RPH3A: variants seen among roughly 807,000 people sequenced by gnomAD.
RPH3A encodes rabphilin-3A.
A neutral mutation model predicts 102.2 loss-of-function variants in RPH3A; 48 were observed. The ratio of observed to expected loss-of-function variants is 0.47; its 90% CI spans 0.37 to 0.60. The LOEUF (loss-of-function observed/expected upper bound fraction) is 0.60, where lower values mean the gene tolerates loss of function less well. Ranked by LOEUF, RPH3A falls within the 20% of genes least tolerant of loss-of-function variation. RPH3A has a pLI of 0.00. For missense variants in RPH3A, 781 were observed against 910.1 expected (o/e 0.86, Z 1.83); for synonymous variants, 310 against 324.3 (o/e 0.96, Z 0.47).
chr12:112,881,990 G>A, intron 15 of RPH3A, 144 bp downstream of exon 15: 1 of 576,346 alleles, frequency 1.7e-6, no homozygotes, highest in Non-Finnish European at 3.1e-6. Context: ...AGCCATTGCA[G>A]AGCAAGTAAA....
intron 1 of RPH3A, among the ~76,000 whole-genome samples, chr12:112,659,085 T>G (rs2040032911): frequency 6.6e-6 from 1 of 152,200 alleles, no homozygotes; most frequent in Non-Finnish European, 1.5e-5. Context: ...TTTTTCCCAC[T>G]GAATCACTTG....
chr12:112,831,902 A>G, intron 3 of RPH3A: 1 of 425,890 alleles, frequency 2.3e-6, no homozygotes, highest in Non-Finnish European at 4.7e-6. Context: ...TTAAGTGTGT[A>G]TTTCTTATTG....
chr12:112,706,030 G>A (rs897477906), intron 1 of RPH3A, among the ~76,000 whole-genome samples: 19 of 152,180 alleles, frequency 1.2e-4, no homozygotes, highest in African/African-American at 4.6e-4. Context: ...ACAAATAAAT[G>A]TATGCATTTC....
intron 1 of RPH3A, among the ~76,000 whole-genome samples, chr12:112,657,406 A>C (rs1202361383): frequency 6.6e-6 from 1 of 152,210 alleles, no homozygotes; most frequent in Admixed American, 6.6e-5. Context: ...ATGATAAAGC[A>C]TAGTAAATAT....
chr12:112,849,317 T>C (rs2042282967), intron 5 of RPH3A, among the ~76,000 whole-genome samples: 2 of 152,128 alleles, frequency 1.3e-5, no homozygotes, highest in African/African-American at 2.4e-5. Context: ...ACGGAGGGGA[T>C]AGGTCTGAGA....
intron 13 of RPH3A, among the ~76,000 whole-genome samples, chr12:112,878,604 T>C (rs1237859002): frequency 6.6e-6 from 1 of 152,118 alleles, no homozygotes; most frequent in Non-Finnish European, 1.5e-5. Context: ...ATAAAATACA[T>C]TGAGTGACTA....
At position 112,607,909 on chromosome 12, in the gene RPH3A, G is replaced by A. The variant is rs78301442; in HGVS notation, c.-140+32590G>A. Among the ~76,000 whole-genome samples, 39 of 152,132 alleles carry A rather than the reference G, an allele frequency of 2.6e-4. 2 individuals are homozygous for A. The East Asian group carries it at 5.8e-3, about 23-fold the overall frequency. On this transcript the variant is annotated intron_variant, in intron 1 of 21. Coordinates refer to the RPH3A transcript ENST00000543106. The stretch of plus-strand genomic sequence containing the variant: ...CAGTTTGCTTTGAAGTCACTTTCCC[G>A]CTCTAAAACCTTTAGTGGCTCTCTG...
At chr12:112,666,547 A>T (rs1322756983) in intron 1 of RPH3A, among the ~76,000 whole-genome samples, 1 of 152,054 alleles carries the variant, frequency 6.6e-6, no homozygotes, top group African/African-American at 2.4e-5. Flanking sequence ...TCCCCCCTTC[A>T]CACTTGGAAC....
chr12:112,777,607 C>T (rs1336590428), intron 1 of RPH3A, among the ~76,000 whole-genome samples: 1 of 152,152 alleles, frequency 6.6e-6, no homozygotes, highest in African/African-American at 2.4e-5. Context: ...TGACATGAGA[C>T]AGGACCTCTG....
rs1364880387 is a variant in RPH3A at position 112,712,964 on chromosome 12, TTTC to T, written c.-139-79170_-139-79168del. Among the ~76,000 whole-genome samples, 4 of 70,280 alleles carry T rather than the reference TTTC, an allele frequency of 5.7e-5. 1 individual carries two copies. The highest frequency in any genetic ancestry group is 1.2e-3 in the East Asian group (2 of 1,612). 46.1% of individuals were successfully genotyped at this position (70,280 alleles called of 152,430 possible). ...CTTCTTCTTCTTCTTCTTCTTCTTC[TTTC>T]TTCTTCTTTCTTCTTCGTCGTCTTT... On this transcript the variant is annotated intron_variant, in intron 1 of 21. Coordinates refer to the RPH3A transcript ENST00000543106.
At chr12:112,819,225 C>T (rs980783660) in intron 2 of RPH3A, among the ~76,000 whole-genome samples, 1 of 151,986 alleles carries the variant, frequency 6.6e-6, no homozygotes, top group Non-Finnish European at 1.5e-5. Context: ...TGTGCCTCAG[C>T]CTCTTGAGTA....
intron 1 of RPH3A, among the ~76,000 whole-genome samples, chr12:112,751,029 T>A (rs1184848068): frequency 2.6e-5 from 4 of 152,244 alleles, no homozygotes; most frequent in Non-Finnish European, 4.4e-5. Flanking sequence ...GAAAAAAACC[T>A]GAACGTTGGT....
intron 1 of RPH3A, among the ~76,000 whole-genome samples, chr12:112,713,097 CTTCTTTTATTTTT>C (rs2040490972): frequency 9.6e-6 from 1 of 104,628 alleles, no homozygotes; most frequent in Non-Finnish European, 2.1e-5. Context: ...TCTTCTTCTT[CTTCTTTTATTTTT>C]TTGTAGAGAA....
chr12:112,665,183 C>G (rs1265728638), intron 1 of RPH3A, among the ~76,000 whole-genome samples: 2 of 152,174 alleles, frequency 1.3e-5, no homozygotes, highest in Non-Finnish European at 2.9e-5. Context: ...GATCTGTACC[C>G]CAGTCCATAT....
intron 1 of RPH3A, among the ~76,000 whole-genome samples, chr12:112,646,578 C>A (rs1180184875): frequency 6.6e-6 from 1 of 152,210 alleles, no homozygotes; most frequent in Non-Finnish European, 1.5e-5. Flanking sequence ...CAGTACATCA[C>A]CAAAGAGGCT....
intron 1 of RPH3A, among the ~76,000 whole-genome samples, chr12:112,674,172 C>T (rs1221825351): frequency 1.3e-5 from 2 of 152,216 alleles, no homozygotes; most frequent in Non-Finnish European, 2.9e-5. Context: ...ATGCTCCTGC[C>T]TCAGCCTCCT....
At chr12:112,712,695 A>G (rs1365612006) in intron 1 of RPH3A, among the ~76,000 whole-genome samples, 1 of 151,226 alleles carries the variant, frequency 6.6e-6, no homozygotes, top group South Asian at 2.1e-4. Flanking sequence ...GTGTATGTGT[A>G]TATATATTTT....
In RPH3A at chr12:112,847,822, G is replaced by C. The variant is rs1407143114; in HGVS notation, c.210G>C (p.Glu70Asp). Residue 70 changes from glutamate (E) to aspartate (D), a missense_variant, in exon 5 of 22, where the codon GAG becomes GAC. Around this residue, in one of 2 missense-constraint regions of RPH3A, gnomAD observed 730 missense variants for 810.0 expected, o/e 0.90. Transcript: ENST00000389385. ...RVIARAEKME[E>D]MEQERIGRLV... ...TTGCTCGAGCTGAGAAAATGGAAGA[G>C]ATGGAGCAGGAGCGAATCGGGTGAG... The C allele has an allele frequency of 2.5e-6, 4 of 1,614,088 alleles. No individual in the cohort carries two copies. The African/African-American group carries it at 4.0e-5, about 16-fold the overall frequency.
intron 19 of RPH3A, chr12:112,893,240 A>G (rs1330891534): frequency 2.0e-5 from 3 of 152,192 alleles, no homozygotes; most frequent in Admixed American, 6.5e-5. Flanking sequence ...GATTTTTTAA[A>G]AGCCAGAACT....
Sources: allele counts gnomAD v4.1 joint callset (sites outside exome capture counted in the v4.1 genomes callset), GRCh38; gene constraint gnomAD v4.1.1; regional missense constraint gnomAD v4.1.1; transcripts MANE v1.5; gene names NCBI Gene and HGNC (gene_info 2026-07-23, HGNC 2026-07-21).